WDR70: variants seen among roughly 807,000 people sequenced by gnomAD.
WDR70 encodes WD repeat-containing protein 70.
Under a neutral mutation model 88.6 loss-of-function variants are expected in WDR70, and 53 were observed. The ratio of observed to expected loss-of-function variants is 0.60; its 90% CI spans 0.48 to 0.75. The LOEUF is 0.75. WDR70 is among the 30% of genes least tolerant of loss of function. The probability of loss-of-function intolerance (pLI) is 0.00; values close to 1 mark genes in which losing one functional copy is unlikely to be tolerated. For missense variants in WDR70, 610 were observed against 823.2 expected (o/e 0.74, Z 3.17); for synonymous variants, 280 against 270.0 (o/e 1.04, Z -0.36).
chr5:37,737,537 C>T (rs140139916), intron 17 of WDR70, among the ~76,000 whole-genome samples: 2 of 152,290 alleles, frequency 1.3e-5, no homozygotes, highest in East Asian at 1.9e-4. Flanking sequence ...CACCCCCTGG[C>T]GAGTTACCTT....
intron 10 of WDR70, among the ~76,000 whole-genome samples, chr5:37,678,695 T>A (rs1304960340): frequency 6.6e-6 from 1 of 152,236 alleles, no homozygotes; most frequent in African/African-American, 2.4e-5. Flanking sequence ...TTGGTGAATC[T>A]GACAATTATG....
chr5:37,522,291 G>A (rs1741118835), intron 9 of WDR70, among the ~76,000 whole-genome samples: 1 of 151,720 alleles, frequency 6.6e-6, no homozygotes, highest in African/African-American at 2.4e-5. Context: ...TTAACACAGT[G>A]AAACCCTGTC....
chr5:37,521,649 T>G (rs1581361491), intron 9 of WDR70, among the ~76,000 whole-genome samples: 1 of 151,984 alleles, frequency 6.6e-6, no homozygotes, highest in African/African-American at 2.4e-5. Context: ...CCATCCAGGC[T>G]GCTATGAATG....
chr5:37,533,100 C>A (rs1407886076), intron 9 of WDR70, among the ~76,000 whole-genome samples: 1 of 152,174 alleles, frequency 6.6e-6, no homozygotes, highest in Non-Finnish European at 1.5e-5. Context: ...CGCAAAGAGT[C>A]CTGTGATATG....
intron 13 of WDR70, among the ~76,000 whole-genome samples, chr5:37,713,231 C>T (rs145179659): frequency 1.3e-4 from 20 of 152,194 alleles, no homozygotes; most frequent in Admixed American, 6.5e-4. Flanking sequence ...CCTTAGACTT[C>T]GCGAGCAAAA....
intron 17 of WDR70, among the ~76,000 whole-genome samples, chr5:37,729,136 C>T (rs1048636535): frequency 6.6e-6 from 1 of 152,046 alleles, no homozygotes. Flanking sequence ...TTTTTTAGTA[C>T]TTCCTTACTT....
At chr5:37,595,196 A>T (rs1262371938) in intron 9 of WDR70, among the ~76,000 whole-genome samples, 3 of 152,174 alleles carry the variant, frequency 2.0e-5, no homozygotes, top group African/African-American at 7.2e-5. Flanking sequence ...GAGTGGTGAG[A>T]GAGGGCATCC....
chr5:37,643,038 G>A (rs778208296), intron 10 of WDR70, among the ~76,000 whole-genome samples: 1 of 152,058 alleles, frequency 6.6e-6, no homozygotes, highest in Non-Finnish European at 1.5e-5. Context: ...CTATGCTTGT[G>A]GGGTATTGCA....
At chr5:37,734,630 A>G (rs1390614366) in intron 17 of WDR70, among the ~76,000 whole-genome samples, 1 of 152,138 alleles carries the variant, frequency 6.6e-6, no homozygotes, top group Non-Finnish European at 1.5e-5. Context: ...AAAGGGGGAC[A>G]TAGAGTAATC....
chr5:37,464,291 C>T (rs533524940), intron 7 of WDR70, among the ~76,000 whole-genome samples: 1 of 152,216 alleles, frequency 6.6e-6, no homozygotes, highest in South Asian at 2.1e-4. Context: ...TGGTTTAGCG[C>T]TCTGAACTTT....
intron 17 of WDR70, among the ~76,000 whole-genome samples, chr5:37,739,359 C>CT (rs1444778693): frequency 6.6e-6 from 1 of 152,148 alleles, no homozygotes; most frequent in Non-Finnish European, 1.5e-5. Flanking sequence ...GAGTCAATCC[C>CT]TTTATAGGCT....
intron 9 of WDR70, among the ~76,000 whole-genome samples, chr5:37,593,084 G>A (rs1743584828): frequency 6.6e-6 from 1 of 152,208 alleles, no homozygotes; most frequent in Non-Finnish European, 1.5e-5. Flanking sequence ...GAACCTAGAA[G>A]TTCAAGTTAT....
chr5:37,493,831 CTT>C (rs34976552), intron 8 of WDR70, among the ~76,000 whole-genome samples: 7,517 of 140,740 alleles, frequency 0.053, 210 homozygotes, highest in South Asian at 0.075. Context: ...GGAAGGAATA[CTT>C]TTTTTTTTTT....
chr5:37,711,498 C>T (rs999802027), intron 13 of WDR70, among the ~76,000 whole-genome samples: 1 of 152,202 alleles, frequency 6.6e-6, no homozygotes, highest in African/African-American at 2.4e-5. Context: ...ATCCTTTGCT[C>T]TGGTCCTCAT....
intron 8 of WDR70, among the ~76,000 whole-genome samples, chr5:37,504,108 T>G (rs1216836623): frequency 1.3e-5 from 2 of 152,218 alleles, no homozygotes; most frequent in Non-Finnish European, 2.9e-5. Context: ...GTATACAGTA[T>G]GAATAATAGG....
intron 5 of WDR70, among the ~76,000 whole-genome samples, chr5:37,398,188 A>C (rs1009899344): frequency 1.4e-5 from 2 of 144,642 alleles, no homozygotes; most frequent in Non-Finnish European, 3.0e-5. Flanking sequence ...TCCCGGGTTC[A>C]TGCCATTCTC....
rs188747699 is a variant in WDR70 at position 37,486,446 on chromosome 5, C to A, written c.840+6459C>A. 7.0e-3 allele frequency among the ~76,000 whole-genome samples: 1,063 copies of A among 151,872 alleles called. 8 individuals carry two copies. Among genetic ancestry groups the A allele is most frequent in the Non-Finnish European group, 0.011 (769 of 67,962 alleles). On this transcript the variant is annotated intron_variant, in intron 8 of 17. Transcript: ENST00000265107. ...ACAACCTCTGTCTCCCGGGTTCAAG[C>A]GATTCTCCTGCCTCAGCATCCTGAG...
chr5:37,736,555 G>A (rs1296000850), intron 17 of WDR70, among the ~76,000 whole-genome samples: 1 of 151,210 alleles, frequency 6.6e-6, no homozygotes, highest in African/African-American at 2.4e-5. Flanking sequence ...TTCCTGTGTA[G>A]AAGCCAATGT....
chr5:37,573,879 C>T lies in WDR70; in HGVS notation c.918-31185C>T, dbSNP rs1742982100. On this transcript the variant is annotated intron_variant, in intron 9 of 17. Coordinates refer to ENST00000265107, the MANE Select transcript of WDR70 (RefSeq NM_018034.4). ...CTCCTTTCCTGGCTTCTCAGCAACC[C>T]TCAGCACGCTGGATCATTTCCTCCT... is the stretch of plus-strand genomic sequence containing the variant. Among the ~76,000 whole-genome samples, 4 of 152,262 alleles carry T rather than the reference C, an allele frequency of 2.6e-5. No homozygotes were observed. In the South Asian group the frequency reaches 8.3e-4, roughly 32 times the overall value.
Sources: gnomAD v4.1 joint callset for allele counts (sites outside exome capture counted in the v4.1 genomes callset) on GRCh38, gnomAD v4.1.1 for gene constraint, MANE v1.5 for transcripts, NCBI Gene and HGNC (gene_info 2026-07-23, HGNC 2026-07-21) for gene names.